SGCD: variants seen among roughly 807,000 people sequenced by gnomAD.
The protein encoded by SGCD is delta-sarcoglycan.
In SGCD, 18 loss-of-function variants were observed where a neutral mutation model predicts 36.6. The observed-to-expected ratio is 0.49, with a 90% CI of 0.34 to 0.73. The LOEUF is 0.73. Ranked by LOEUF, SGCD falls within the 30% of genes least tolerant of loss-of-function variation. SGCD has a pLI of 0.01. For missense variants in SGCD, 387 were observed against 346.7 expected, an observed-to-expected ratio of 1.12 and a Z score of -0.92; for synonymous variants, 133 against 130.6, an observed-to-expected ratio of 1.02 and a Z score of -0.12.
chr5:156,183,689 G>A (rs1581153269), intron 3 of SGCD, among the ~76,000 whole-genome samples: 1 of 152,162 alleles, frequency 6.6e-6, no homozygotes, highest in Non-Finnish European at 1.5e-5. Flanking sequence ...TTACAGGCGT[G>A]AGCCACAGCA....
rs1757483320 is a variant in SGCD at position 156,760,633 on chromosome 5, A to G, written c.*1243A>G. The G allele has an allele frequency of 6.6e-6, 1 of 152,624 alleles. No individual in the cohort carries two copies. The highest frequency in any genetic ancestry group is 6.5e-5 in the Admixed American group (1 of 15,278). The allele number at this position is 152,624 out of a possible 1,614,324, so 9.5% of individuals were successfully genotyped here. ...ATCACTGTGTCCCCTGAGGCCCAGC[A>G]GTACCTGCTTCCCTGTATGTGGAAG... On this transcript the variant is annotated 3_prime_UTR_variant, in exon 9 of 9. Coordinates refer to ENST00000337851, the MANE Select transcript of SGCD (RefSeq NM_000337.6).
At chr5:156,417,028 T>C (rs1773082472) in intron 3 of SGCD, among the ~76,000 whole-genome samples, 1 of 152,180 alleles carries the variant, frequency 6.6e-6, no homozygotes, top group Non-Finnish European at 1.5e-5. Flanking sequence ...CCAAGAAACT[T>C]CTTTTGTAGT....
chr5:156,414,453 A>G (rs1044856480), intron 3 of SGCD, among the ~76,000 whole-genome samples: 1 of 152,256 alleles, frequency 6.6e-6, no homozygotes, highest in African/African-American at 2.4e-5. Context: ...TATTGTTGAT[A>G]TAACATTGAC....
At chr5:156,605,579 G>C (rs1761403482) in intron 6 of SGCD, among the ~76,000 whole-genome samples, 1 of 152,178 alleles carries the variant, frequency 6.6e-6, no homozygotes, top group African/African-American at 2.4e-5. Context: ...TGGGATGGCT[G>C]GGTCAAATGA....
intron 3 of SGCD, among the ~76,000 whole-genome samples, chr5:156,244,175 G>A (rs1765381644): frequency 6.6e-6 from 1 of 152,116 alleles, no homozygotes. Context: ...TGTCAAAGAT[G>A]CAAACCTGAA....
At chr5:156,245,723 A>G (rs1765423356) in intron 3 of SGCD, among the ~76,000 whole-genome samples, 1 of 152,180 alleles carries the variant, frequency 6.6e-6, no homozygotes, top group Non-Finnish European at 1.5e-5. Context: ...GCAACCAACC[A>G]AAGTCCAGAA....
At chr5:155,743,196 C>T in the SGCD span, among the ~76,000 whole-genome samples, 1 of 152,280 alleles carries the variant, frequency 6.6e-6, no homozygotes, top group East Asian at 1.9e-4. Flanking sequence ...ATTATAAAGG[C>T]TCAACCCTAC....
At chr5:156,342,729 C>T (rs1335714895) in intron 2 of SGCD, among the ~76,000 whole-genome samples, 2 of 152,190 alleles carry the variant, frequency 1.3e-5, no homozygotes, top group African/African-American at 2.4e-5. Context: ...GAACCCAGTG[C>T]TTTGGGAGCC....
intron 3 of SGCD, among the ~76,000 whole-genome samples, chr5:156,357,141 G>T (rs554964183): frequency 2.0e-5 from 3 of 152,184 alleles, no homozygotes; most frequent in African/African-American, 7.2e-5. Flanking sequence ...CACCATCAAT[G>T]CTATTAAGCG....
intron 1 of SGCD, among the ~76,000 whole-genome samples, chr5:155,977,565 G>T (rs1758142403): frequency 6.6e-6 from 1 of 152,162 alleles, no homozygotes; most frequent in South Asian, 2.1e-4. Context: ...TATTAGACAA[G>T]AAGAGGACTA....
At chr5:156,438,216 A>G (rs531773872) in intron 3 of SGCD, among the ~76,000 whole-genome samples, 3 of 152,306 alleles carry the variant, frequency 2.0e-5, no homozygotes, top group African/African-American at 7.2e-5. Context: ...ACTGGCCTCT[A>G]AAAGGAGGTT....
At chr5:156,273,766 A>G (rs1280608455) in intron 3 of SGCD, among the ~76,000 whole-genome samples, 6 of 152,194 alleles carry the variant, frequency 3.9e-5, no homozygotes, top group Non-Finnish European at 5.9e-5. Context: ...GAGGTTTATC[A>G]CACGATCCTA....
intron 3 of SGCD, among the ~76,000 whole-genome samples, chr5:156,237,773 T>C (rs1265642285): frequency 6.6e-6 from 1 of 152,180 alleles, no homozygotes; most frequent in Non-Finnish European, 1.5e-5. Flanking sequence ...TAAAGATCAT[T>C]GTTAAGGTTA....
intron 3 of SGCD, among the ~76,000 whole-genome samples, chr5:156,177,105 G>A (rs1455357643): frequency 2.0e-5 from 3 of 152,098 alleles, no homozygotes; most frequent in East Asian, 1.9e-4. Context: ...GGGTTCCAGC[G>A]ATTCTTCTGC....
the SGCD span, among the ~76,000 whole-genome samples, chr5:155,788,132 G>A: frequency 2.0e-5 from 3 of 152,132 alleles, no homozygotes; most frequent in East Asian, 3.9e-4. Context: ...GAAAAATAAC[G>A]AGCATTCTAT....
intron 3 of SGCD, among the ~76,000 whole-genome samples, chr5:156,260,943 T>A (rs1191487080): frequency 1.3e-5 from 2 of 152,146 alleles, no homozygotes; most frequent in African/African-American, 4.8e-5. Flanking sequence ...TATTCTTCAT[T>A]GTATTAATGT....
chr5:156,613,789 C>T (rs888479803), intron 6 of SGCD, among the ~76,000 whole-genome samples: 4 of 152,200 alleles, frequency 2.6e-5, no homozygotes, highest in Non-Finnish European at 5.9e-5. Context: ...TGGTAACTTT[C>T]AAATGAGTTC....
chr5:156,155,031 G>A (rs964982678), intron 3 of SGCD, among the ~76,000 whole-genome samples: 2 of 151,630 alleles, frequency 1.3e-5, no homozygotes, highest in African/African-American at 4.9e-5. Context: ...AAGCATGCAG[G>A]AAAGGTTTGC....
intron 7 of SGCD, among the ~76,000 whole-genome samples, chr5:156,740,147 T>G (rs1321613860): frequency 6.6e-6 from 1 of 152,030 alleles, no homozygotes; most frequent in African/African-American, 2.4e-5. Flanking sequence ...GACCATGGAG[T>G]TGAACATGAT....
Sources: gnomAD v4.1 joint callset for allele counts (sites outside exome capture counted in the v4.1 genomes callset) on GRCh38, gnomAD v4.1.1 for gene constraint, MANE v1.5 for transcripts, NCBI Gene and HGNC (gene_info 2026-07-23, HGNC 2026-07-21) for gene names.